The following TBC1D22A variants were observed in gnomAD, a reference collection of about 807,000 sequenced individuals.
TBC1D22A encodes putative GTPase activator.
In TBC1D22A, 38 loss-of-function variants were observed where a neutral mutation model predicts 60.2. The observed-to-expected ratio is 0.63, with a 90% confidence interval of 0.49 to 0.83. TBC1D22A has a LOEUF of 0.83. TBC1D22A is among the 40% of genes least tolerant of loss of function. The probability of loss-of-function intolerance (pLI) is 0.00; values close to 1 mark genes in which losing one functional copy is unlikely to be tolerated. For missense variants in TBC1D22A, 628 were observed against 701.0 expected (o/e 0.90, Z 1.18); for synonymous variants, 302 against 281.7 (o/e 1.07, Z -0.72).
chr22:47,022,460 G>C (rs1470781735), intron 10 of TBC1D22A, among the ~76,000 whole-genome samples: 1 of 152,030 alleles, frequency 6.6e-6, no homozygotes, highest in African/African-American at 2.4e-5. Context: ...GTCTGGGGAA[G>C]CCACGGCATC....
chr22:46,824,296 T>A (rs544238109), intron 4 of TBC1D22A, among the ~76,000 whole-genome samples: 1 of 152,142 alleles, frequency 6.6e-6, no homozygotes, highest in Admixed American at 6.5e-5. Context: ...GTGATTTGGA[T>A]GGTCATTCTG....
intron 12 of TBC1D22A, among the ~76,000 whole-genome samples, chr22:47,172,067 C>G (rs2068499514): frequency 6.8e-6 from 1 of 146,284 alleles, no homozygotes; most frequent in Non-Finnish European, 1.5e-5. Context: ...CTACCCAGCA[C>G]TCCCAGTGAG....
intron 12 of TBC1D22A, among the ~76,000 whole-genome samples, chr22:47,164,481 G>A (rs1243192241): frequency 1.3e-5 from 2 of 152,234 alleles, no homozygotes; most frequent in Non-Finnish European, 1.5e-5. Flanking sequence ...CCTGCCTGGG[G>A]CATGGGACGG....
intron 8 of TBC1D22A, among the ~76,000 whole-genome samples, chr22:46,926,910 AAAT>A (rs761778476): frequency 6.6e-6 from 1 of 152,248 alleles, no homozygotes; most frequent in Non-Finnish European, 1.5e-5. Context: ...TCAATAATTT[AAAT>A]AATGTTAACT....
chr22:47,003,317 C>T lies in TBC1D22A; in HGVS notation c.1201+5608C>T, dbSNP rs958301579. On this transcript the variant is annotated intron_variant, in intron 10 of 12. Transcript: ENST00000337137. ...TTGAGCTCTAGGTTACCCTTTGCTC[C>T]CCGAGGTTACAGATGACAAGAATGT... Among the ~76,000 whole-genome samples the T allele has an allele frequency of 2.6e-5, 4 of 151,894 alleles. 1 individual carries two copies. The highest frequency in any genetic ancestry group is 5.9e-5 in the Non-Finnish European group (4 of 67,958).
At chr22:47,163,285 C>T (rs551954330) in intron 12 of TBC1D22A, among the ~76,000 whole-genome samples, 2 of 152,372 alleles carry the variant, frequency 1.3e-5, no homozygotes, top group East Asian at 3.9e-4. Context: ...CCATGGGTCC[C>T]CTCCCAATGC....
At chr22:47,160,555 G>A (rs753621788) in intron 12 of TBC1D22A, among the ~76,000 whole-genome samples, 21 of 152,176 alleles carry the variant, frequency 1.4e-4, no homozygotes, top group South Asian at 4.1e-4. Flanking sequence ...CTAGGCCTGC[G>A]CCTCCCCAGC....
chr22:47,040,619 G>A (rs970312686), intron 11 of TBC1D22A, among the ~76,000 whole-genome samples: 3 of 152,130 alleles, frequency 2.0e-5, no homozygotes, highest in Admixed American at 1.3e-4. Flanking sequence ...CGATCCCTGG[G>A]TGCATGAGGC....
chr22:46,819,217 C>T (rs1201985036), intron 4 of TBC1D22A, among the ~76,000 whole-genome samples: 2 of 152,066 alleles, frequency 1.3e-5, no homozygotes, highest in Non-Finnish European at 2.9e-5. Flanking sequence ...ATTTGAATAC[C>T]CTTTATTTCT....
intron 7 of TBC1D22A, among the ~76,000 whole-genome samples, chr22:46,895,554 T>C (rs2068629000): frequency 6.6e-6 from 1 of 152,112 alleles, no homozygotes; most frequent in South Asian, 2.1e-4. Context: ...GTATTTTCTG[T>C]AGAGATAGGG....
Position 46,928,606 on chromosome 22 carries a change from C to T in TBC1D22A, c.1015+16418C>T, listed in dbSNP as rs532774874. 2.0e-5 allele frequency among the ~76,000 whole-genome samples: 3 copies of T among 152,174 alleles called. No homozygotes were observed. In the South Asian group the frequency reaches 6.2e-4, roughly 32 times the overall value. ...GAAAACTTTGGTGTTACAAATAATA[C>T]TCTCAAGAACATGAAAAAACATTCC... On this transcript the variant is annotated intron_variant, in intron 8 of 12. Coordinates refer to ENST00000337137, the MANE Select transcript of TBC1D22A (RefSeq NM_014346.5).
At chr22:47,153,740 G>A (rs982375269) in intron 12 of TBC1D22A, among the ~76,000 whole-genome samples, 11 of 152,222 alleles carry the variant, frequency 7.2e-5, no homozygotes, top group Non-Finnish European at 7.3e-5. Context: ...AGGGGGCACA[G>A]GGCAAGGTCA....
At chr22:47,035,970 C>T (rs1158254807) in intron 10 of TBC1D22A, among the ~76,000 whole-genome samples, 3 of 152,214 alleles carry the variant, frequency 2.0e-5, no homozygotes, top group Non-Finnish European at 4.4e-5. Flanking sequence ...GTAAACAGAA[C>T]ACTAGCTTTT....
intron 8 of TBC1D22A, among the ~76,000 whole-genome samples, chr22:46,940,215 G>A (rs2071902919): frequency 6.6e-6 from 1 of 152,208 alleles, no homozygotes; most frequent in South Asian, 2.1e-4. Context: ...GCATGTACAT[G>A]CTGTTGGGAA....
At chr22:47,043,470 C>T (rs1208553272) in intron 11 of TBC1D22A, among the ~76,000 whole-genome samples, 3 of 152,142 alleles carry the variant, frequency 2.0e-5, no homozygotes, top group Non-Finnish European at 2.9e-5. Flanking sequence ...GGGGACTGAG[C>T]GAGTGAGGGC....
In TBC1D22A at chr22:46,784,285, C is replaced by T. The variant is rs1388646107; in HGVS notation, c.63-8235C>T. ...TCTTGAACTCCTGGTCTCAAGTGAT[C>T]CGCCTGCCTGGTCTCAAGTGATCCG... On this transcript the variant is annotated intron_variant, in intron 1 of 12. Transcript: ENST00000337137. 3.9e-5 allele frequency among the ~76,000 whole-genome samples: 6 copies of T among 152,102 alleles called. No individual in the cohort carries two copies. The East Asian group carries it at 1.2e-3, about 29-fold the overall frequency.
At chr22:47,004,780 A>T (rs536734596) in intron 10 of TBC1D22A, among the ~76,000 whole-genome samples, 1 of 150,294 alleles carries the variant, frequency 6.7e-6, no homozygotes, top group Non-Finnish European at 1.5e-5. Flanking sequence ...TCAGATGCCT[A>T]TATACACACA....
intron 12 of TBC1D22A, among the ~76,000 whole-genome samples, chr22:47,120,108 A>G (rs1448997426): frequency 6.6e-6 from 1 of 152,200 alleles, no homozygotes; most frequent in Non-Finnish European, 1.5e-5. Flanking sequence ...GCACACCTGT[A>G]ACTCTGTCCG....
At chr22:46,843,712 G>A (rs1018036411) in intron 4 of TBC1D22A, among the ~76,000 whole-genome samples, 1 of 152,102 alleles carries the variant, frequency 6.6e-6, no homozygotes, top group African/African-American at 2.4e-5. Flanking sequence ...AGAGGGGCAG[G>A]TGAGCGGTGA....
Sources: allele counts gnomAD v4.1 joint callset (sites outside exome capture counted in the v4.1 genomes callset), GRCh38; gene constraint gnomAD v4.1.1; transcripts MANE v1.5; gene names NCBI Gene and HGNC (gene_info 2026-07-23, HGNC 2026-07-21).